The following VSNL1 variants were observed in gnomAD, a reference collection of about 807,000 sequenced individuals.
VSNL1 encodes visinin like 1, also known as visinin-like protein 1.
Under a neutral mutation model 20.4 loss-of-function variants are expected in VSNL1, and 6 were observed. The observed-to-expected ratio is 0.29, with a 90% CI of 0.16 to 0.58. The LOEUF (loss-of-function observed/expected upper bound fraction) is 0.58, where lower values mean the gene tolerates loss of function less well. Ranked by LOEUF, VSNL1 falls within the 20% of genes least tolerant of loss-of-function variation. The pLI, the probability that VSNL1 is intolerant of heterozygous loss-of-function variation, is 0.90. For missense variants in VSNL1, 100 were observed against 234.5 expected (o/e 0.43, Z 3.75); for synonymous variants, 93 against 86.4 (o/e 1.08, Z -0.42).
At chr2:17,614,675 A>G (rs906284157) in intron 2 of VSNL1, among the ~76,000 whole-genome samples, 1 of 152,222 alleles carries the variant, frequency 6.6e-6, no homozygotes, top group Non-Finnish European at 1.5e-5. Flanking sequence ...GAGACTCTCT[A>G]AGCAATCACT....
chr2:17,607,427 C>A (rs1664971247), intron 2 of VSNL1, among the ~76,000 whole-genome samples: 1 of 152,060 alleles, frequency 6.6e-6, no homozygotes, highest in Non-Finnish European at 1.5e-5. Flanking sequence ...GAGTGAACAC[C>A]CTGTTCAAGG....
rs1054220478 is a variant in VSNL1, at chr2:17,581,469, T to G, written c.-5-10601T>G. 2.3e-4 allele frequency among the ~76,000 whole-genome samples: 35 copies of G among 152,378 alleles called. 1 individual carries two copies. The highest frequency in any genetic ancestry group is 8.4e-4 in the African/African-American group (35 of 41,584). On this transcript the variant is annotated intron_variant, in intron 1 of 3. Coordinates refer to ENST00000295156, the MANE Select transcript of VSNL1 (RefSeq NM_003385.5). Reference sequence around the variant, plus strand: ...CATTCATTGCTCTAAAGAAATTTATTTAGCCAGTTTCCTGTGATGGACCTT... The same window carrying G: ...CATTCATTGCTCTAAAGAAATTTATGTAGCCAGTTTCCTGTGATGGACCTT...
At chr2:17,615,267 C>T (rs1478217508) in intron 2 of VSNL1, among the ~76,000 whole-genome samples, 1 of 152,120 alleles carries the variant, frequency 6.6e-6, no homozygotes, top group African/African-American at 2.4e-5. Context: ...GTGAGGGTGC[C>T]CCTCATGCCT....
intron 2 of VSNL1, among the ~76,000 whole-genome samples, chr2:17,592,654 T>C (rs1174123639): frequency 0.034 from 3,513 of 104,780 alleles, 314 homozygotes; most frequent in African/African-American, 0.15. Flanking sequence ...TTTTTTTTTT[T>C]TTTTTTTTTT....
At position 17,649,207 on chromosome 2, in the gene VSNL1, G is replaced by A. The variant is rs770359873; in HGVS notation, c.163-203G>A. 6.6e-6 allele frequency among the ~76,000 whole-genome samples: 1 copy of A among 152,158 alleles called. No homozygotes were observed. Among genetic ancestry groups the A allele is most frequent in the Non-Finnish European group, 1.5e-5 (1 of 68,022 alleles). On this transcript the variant is annotated intron_variant, in intron 2 of 3. Coordinates refer to ENST00000295156, the MANE Select transcript of VSNL1 (RefSeq NM_003385.5). This position sits in a 1 kb window ranked among gnomAD's most constrained non-coding sequence, Gnocchi z 6.4. The stretch of plus-strand genomic sequence containing the variant: ...ACCAGCCTCACCCACAGGAAACAAT[G>A]AGATGCCTGTACCTGAGCACCTGCT...
chr2:17,583,406 C>T (rs1664396816), intron 1 of VSNL1, among the ~76,000 whole-genome samples: 1 of 152,252 alleles, frequency 6.6e-6, no homozygotes, highest in Non-Finnish European at 1.5e-5. Flanking sequence ...GGACAGAAGG[C>T]TGTGATTATT....
chr2:17,611,237 C>T (rs765735567), intron 2 of VSNL1, among the ~76,000 whole-genome samples: 3 of 152,182 alleles, frequency 2.0e-5, no homozygotes, highest in Non-Finnish European at 2.9e-5. Context: ...ATGAGGCAAT[C>T]GAGGCACAAG....
Position 17,602,758 on chromosome 2 carries a change from TAAAATAAAATAAA to T in VSNL1, c.162+10537_162+10549del, listed in dbSNP as rs566579417. Among the ~76,000 whole-genome samples the T allele has an allele frequency of 6.9e-3, 948 of 137,742 alleles. 6 individuals carry two copies. The highest frequency in any genetic ancestry group is 0.011 in the Non-Finnish European group (681 of 59,330). The allele number at this position is 137,742 out of a possible 152,430, so 90.4% of individuals were successfully genotyped here. A position where few individuals can be genotyped will look rare whatever the true frequency, so the allele number is the denominator to read the frequency against. On this transcript the variant is annotated intron_variant, in intron 2 of 3. Coordinates refer to ENST00000295156, the MANE Select transcript of VSNL1 (RefSeq NM_003385.5). Reference sequence around the variant, plus strand: ...CCATCTCAAAAACATAAATATAAAATAAAATAAAATAAAAAAATAAAATAAAATAAAATAAAAT... The same window carrying T: ...CCATCTCAAAAACATAAATATAAAATAAAATAAAATAAAATAAAATAAAAT...
Position 17,622,210 on chromosome 2 carries a change from C to G in VSNL1, c.163-27200C>G, listed in dbSNP as rs753684872. Among the ~76,000 whole-genome samples, 324 of 141,086 alleles carry G rather than the reference C, an allele frequency of 2.3e-3. 1 individual carries two copies. Among genetic ancestry groups the G allele is most frequent in the Middle Eastern group, 3.5e-3 (1 of 282 alleles). The allele number at this position is 141,086 out of a possible 152,430, so 92.6% of individuals were successfully genotyped here. ...GAACATAAAAATCTTCAGACTCTAT[C>G]TCAAAAAAAAAAAAAAAATCAGGCT... On this transcript the variant is annotated intron_variant, in intron 2 of 3. Coordinates refer to ENST00000295156, the MANE Select transcript of VSNL1 (RefSeq NM_003385.5).
intron 2 of VSNL1, among the ~76,000 whole-genome samples, chr2:17,647,020 T>C (rs558909763): frequency 4.5e-4 from 68 of 152,344 alleles, no homozygotes; most frequent in African/African-American, 1.6e-3. Flanking sequence ...TGAAGGCTCT[T>C]GAGCACACAC....
At chr2:17,640,586 T>C (rs1198015669) in intron 2 of VSNL1, among the ~76,000 whole-genome samples, 1 of 152,250 alleles carries the variant, frequency 6.6e-6, no homozygotes, top group Non-Finnish European at 1.5e-5. Context: ...GAGAACATGT[T>C]AGAGTTGGTA....
In VSNL1 at chr2:17,584,851, C is replaced by T. The variant is rs556991273; in HGVS notation, c.-5-7219C>T. ...ATGGCTAGGCCCTAACATACTAACT[C>T]GCTATGTTTTCTGGCATAAGTCCCC... On this transcript the variant is annotated intron_variant, in intron 1 of 3. Coordinates refer to ENST00000295156, the MANE Select transcript of VSNL1 (RefSeq NM_003385.5). 3.8e-4 allele frequency among the ~76,000 whole-genome samples: 58 copies of T among 152,242 alleles called. No homozygotes were observed. In the South Asian group the frequency reaches 7.5e-3, roughly 20 times the overall value.
At chr2:17,623,520 A>T (rs1270671991) in intron 2 of VSNL1, among the ~76,000 whole-genome samples, 1 of 152,030 alleles carries the variant, frequency 6.6e-6, no homozygotes, top group African/African-American at 2.4e-5. Flanking sequence ...ATACAAAAAA[A>T]TTAGCAGGGA....
intron 2 of VSNL1, among the ~76,000 whole-genome samples, chr2:17,598,939 T>C (rs900017903): frequency 2.0e-5 from 3 of 152,262 alleles, no homozygotes; most frequent in Non-Finnish European, 4.4e-5. Context: ...GATGTTTGAC[T>C]GATTCATTTA....
At chr2:17,647,497 T>C (rs1471779058) in intron 2 of VSNL1, among the ~76,000 whole-genome samples, 1 of 152,190 alleles carries the variant, frequency 6.6e-6, no homozygotes, top group Admixed American at 6.5e-5. Flanking sequence ...CACTCATGCA[T>C]AAGGCACAGG....
At chr2:17,590,084 C>G (rs1664565792) in intron 1 of VSNL1, among the ~76,000 whole-genome samples, 1 of 152,228 alleles carries the variant, frequency 6.6e-6, no homozygotes, top group Admixed American at 6.5e-5. Flanking sequence ...CATAAGCGTT[C>G]TGAGCCCCAG....
At chr2:17,641,166 C>T (rs780570038) in intron 2 of VSNL1, among the ~76,000 whole-genome samples, 3 of 152,172 alleles carry the variant, frequency 2.0e-5, no homozygotes, top group African/African-American at 4.8e-5. Flanking sequence ...AAATGAGAAT[C>T]GATCTTGGAT....
At chr2:17,613,315 T>A (rs1454007621) in intron 2 of VSNL1, among the ~76,000 whole-genome samples, 1 of 152,196 alleles carries the variant, frequency 6.6e-6, no homozygotes, top group Non-Finnish European at 1.5e-5. Flanking sequence ...ACAGGAATTG[T>A]TGAAAGCAAT....
chr2:17,561,287 T>C (rs76150076), intron 1 of VSNL1, among the ~76,000 whole-genome samples: 4,457 of 152,244 alleles, frequency 0.029, 64 homozygotes, highest in Middle Eastern at 0.054. Flanking sequence ...TGTGTTGACA[T>C]CCTAAGTAGG....
Sources: gnomAD v4.1 joint callset for allele counts (sites outside exome capture counted in the v4.1 genomes callset) on GRCh38, gnomAD v4.1.1 for gene constraint, Gnocchi (gnomAD v3.1) non-coding constraint, MANE v1.5 for transcripts, NCBI Gene and HGNC (gene_info 2026-07-23, HGNC 2026-07-21) for gene names.